The following PIP5K1C variants were observed in gnomAD, a reference collection of about 807,000 sequenced individuals.
PIP5K1C encodes the protein phosphatidylinositol-4-phosphate 5-kinase type 1 gamma.
Under a neutral mutation model 80.1 loss-of-function variants are expected in PIP5K1C, and 45 were observed. The observed-to-expected ratio is 0.56, with a 90% CI of 0.44 to 0.72. The LOEUF (loss-of-function observed/expected upper bound fraction) is 0.72, where lower values mean the gene tolerates loss of function less well. Among genes scored for constraint, PIP5K1C ranks in the 30% least tolerant of loss-of-function variants. PIP5K1C has a pLI of 0.00. For missense variants in PIP5K1C, 753 were observed against 954.6 expected (o/e 0.79, Z 2.78); for synonymous variants, 498 against 420.1 (o/e 1.19, Z -2.27).
chr19:3,683,566 C>T (rs1361827846), intron 1 of PIP5K1C, among the ~76,000 whole-genome samples: 1 of 152,226 alleles, frequency 6.6e-6, no homozygotes, highest in African/African-American at 2.4e-5. Context: ...TATTACTGCT[C>T]CCATTATGCA....
intron 8 of PIP5K1C, among the ~76,000 whole-genome samples, chr19:3,649,098 C>G (rs1038546108): frequency 8.5e-5 from 12 of 141,356 alleles, no homozygotes; most frequent in Admixed American, 6.4e-4. Flanking sequence ...CGGGAGTTAA[C>G]TGTCACCCGG....
chr19:3,664,842 C>A lies in PIP5K1C; in HGVS notation c.199G>T (p.Gly67Cys). 1 of 1,613,148 alleles carries A rather than the reference C, an allele frequency of 6.2e-7. No individual in the cohort carries two copies. The highest frequency in any genetic ancestry group is 1.1e-5 in the South Asian group (1 of 91,078). ...KLGHRGVDAS[G>C]ETTYKKTTSS... is the part of the protein sequence containing the mutation. Reference sequence around the variant, plus strand: ...GGAACCTTCTTGTAGGTGGTTTCGCCGGATGCGTCCACACCTCGATGGCCC... The same window carrying A: ...GGAACCTTCTTGTAGGTGGTTTCGCAGGATGCGTCCACACCTCGATGGCCC... Residue 67 changes from glycine (G) to cysteine (C), a missense_variant, in exon 3 of 18, where the codon GGC (glycine) becomes TGC (cysteine). Gly to Cys is a radical substitution (Grantham distance 159). This residue lies in a region of PIP5K1C where 139 missense variants were observed against 289.7 expected (regional missense o/e 0.48). Transcript: ENST00000335312.
At chr19:3,663,846 C>T (rs1005901321) in intron 3 of PIP5K1C, among the ~76,000 whole-genome samples, 1 of 152,214 alleles carries the variant, frequency 6.6e-6, no homozygotes, top group Non-Finnish European at 1.5e-5. Flanking sequence ...CCGAGTTACA[C>T]GTGACTTGGC....
intron 1 of PIP5K1C, 137 bp from the exon 2 acceptor site, chr19:3,667,490 A>G (rs1600030418): frequency 2.2e-6 from 2 of 908,342 alleles, no homozygotes; most frequent in East Asian, 2.5e-5. Context: ...AAGGCTACAC[A>G]CAAGTGAAGA....
Position 3,637,310 on chromosome 19 carries a change from G to A in PIP5K1C, c.1920+1574C>T. On this transcript the variant is annotated intron_variant, in intron 16 of 17. Coordinates refer to ENST00000335312, the MANE Select transcript of PIP5K1C (RefSeq NM_012398.3). This position sits in a 1 kb window ranked among gnomAD's most constrained non-coding sequence, Gnocchi z 7.0. ...CCTGGTGATGGTGCTGCCCTATGGAGCGCCCGGTTCGACGTGGGACCGAAT... is the reference window on the plus strand; with the variant it reads ...CCTGGTGATGGTGCTGCCCTATGGAACGCCCGGTTCGACGTGGGACCGAAT... The A allele has an allele frequency of 2.0e-6, 3 of 1,517,858 alleles. No individual in the cohort carries two copies. Among genetic ancestry groups the A allele is most frequent in the African/African-American group, 1.4e-5 (1 of 73,000 alleles). The allele number at this position is 1,517,858 out of a possible 1,614,324, so 94.0% of individuals were successfully genotyped here.
chr19:3,668,819 G>A (rs551679028), intron 1 of PIP5K1C, among the ~76,000 whole-genome samples: 4 of 152,298 alleles, frequency 2.6e-5, no homozygotes, highest in South Asian at 2.1e-4. Context: ...GCTCAGTGCC[G>A]AACAAGGATG....
At chr19:3,660,277 A>G (rs938306745) in intron 5 of PIP5K1C, among the ~76,000 whole-genome samples, 4 of 152,016 alleles carry the variant, frequency 2.6e-5, no homozygotes, top group African/African-American at 7.2e-5. Context: ...CTACTCGGGA[A>G]GCTGAGGCAG....
At chr19:3,678,411 GTGA>G (rs2145563840) in intron 1 of PIP5K1C, among the ~76,000 whole-genome samples, 1 of 136,684 alleles carries the variant, frequency 7.3e-6, no homozygotes, top group African/African-American at 2.8e-5. Flanking sequence ...TAGAGATGGA[GTGA>G]TGAAGGATGG....
rs2034113731 is a variant in PIP5K1C at position 3,644,241 on chromosome 19, G to A, written c.1356C>T (p.Ser452=). 2 of 1,612,294 alleles carry A rather than the reference G, an allele frequency of 1.2e-6. No individual in the cohort carries two copies. Among genetic ancestry groups the A allele is most frequent in the South Asian group, 1.1e-5 (1 of 91,074 alleles). Residue 452 remains serine, a synonymous_variant, in exon 12 of 18, where the codon TCC becomes TCT. Coordinates refer to ENST00000335312, the MANE Select transcript of PIP5K1C (RefSeq NM_012398.3). ...TVFRKNSSLK[S]SPSKKGRGGA... is the part of the protein sequence containing the mutation. ...CGCCGCGCCCCTTCTTGGAGGGCGA[G>A]GACTTCAGGGCTGCAGGGAAGGGTG...
rs577600336 is a variant in PIP5K1C at position 3,696,861 on chromosome 19, C to T, written c.94+3436G>A. On this transcript the variant is annotated intron_variant, in intron 1 of 17. Coordinates refer to ENST00000335312, the MANE Select transcript of PIP5K1C (RefSeq NM_012398.3). The surrounding 1 kb of genome is among the most constrained non-coding windows in gnomAD (Gnocchi z 4.1). ...TGGAGGGCTGCGAGCAGAGGAGGGT[C>T]GGGACTCGGGCCGCTGGTTTTTAAT... 1.1e-3 allele frequency among the ~76,000 whole-genome samples: 174 copies of T among 152,180 alleles called. 1 individual carries two copies. Among genetic ancestry groups the T allele is most frequent in the African/African-American group, 4.0e-3 (165 of 41,516 alleles).
At chr19:3,697,352 C>T (rs560962054) in intron 1 of PIP5K1C, among the ~76,000 whole-genome samples, 4 of 149,874 alleles carry the variant, frequency 2.7e-5, no homozygotes, top group Non-Finnish European at 3.0e-5. Flanking sequence ...CGGGGAGGAC[C>T]GAGCCAGACA....
chr19:3,680,801 C>T (rs937209514), intron 1 of PIP5K1C, among the ~76,000 whole-genome samples: 8 of 152,184 alleles, frequency 5.3e-5, no homozygotes, highest in African/African-American at 1.4e-4. Flanking sequence ...AGGCTTTGAG[C>T]GTGGCCCTGG....
rs147341531 is a variant in PIP5K1C at position 3,694,073 on chromosome 19, G to A, written c.94+6224C>T. Among the ~76,000 whole-genome samples the A allele has an allele frequency of 9.7e-3, 1,472 of 152,104 alleles. 13 individuals carry two copies. Among genetic ancestry groups the A allele is most frequent in the Middle Eastern group, 0.017 (5 of 294 alleles). On this transcript the variant is annotated intron_variant, in intron 1 of 17. Coordinates refer to ENST00000335312, the MANE Select transcript of PIP5K1C (RefSeq NM_012398.3). ...TAAAAATACAAAACATTAGCCGGGC[G>A]TAGTGGCGGACGCCTGTAGTCCCAG...
rs764511556 is a variant in PIP5K1C, at chr19:3,653,626, G to A, written c.622-37C>T. On this transcript the variant is annotated intron_variant, in intron 6 of 17. Transcript: ENST00000335312. ...AGAGGGCAAGTCGTGGAGGGCGGCT[G>A]GGCCACAGACTCACGGGGGCGGGCA... 3.8e-6 allele frequency: 6 copies of A among 1,583,112 alleles called. No individual in the cohort carries two copies. In the South Asian group the frequency reaches 6.8e-5, roughly 18 times the overall value.
rs368769937 is a variant in PIP5K1C, at chr19:3,638,906, G to A, written c.1898C>T (p.Ala633Val). The A allele has an allele frequency of 1.2e-5, 19 of 1,612,786 alleles. No homozygotes were observed. Among genetic ancestry groups the A allele is most frequent in the East Asian group, 4.5e-5 (2 of 44,888 alleles). ...PASQASDEEDAPATDIYFPTD... is the reference protein window; with the variant it reads ...PASQASDEEDVPATDIYFPTD... Reference sequence around the variant, plus strand: ...TACAAAGTAGATGTCGGTGGCGGGCGCGTCCTCCTCGTCCGAGGCCTGGCT... The same window carrying A: ...TACAAAGTAGATGTCGGTGGCGGGCACGTCCTCCTCGTCCGAGGCCTGGCT... Residue 633 changes from alanine (A) to valine (V), a missense_variant, in exon 16 of 18, where the codon GCG becomes GTG. Physicochemically the swap from Ala to Val is moderately conservative, Grantham distance 64. Around this residue, in one of 6 missense-constraint regions of PIP5K1C, gnomAD observed 315 missense variants for 294.5 expected, o/e 1.07. Coordinates refer to ENST00000335312, the MANE Select transcript of PIP5K1C (RefSeq NM_012398.3).
Position 3,632,962 on chromosome 19 carries a change from AGGCTGCCGACCGG to A in PIP5K1C, c.*192_*204del. ...TCGGGAGGGTGGGTCTCACAGGGGC[AGGCTGCCGACCGG>A]GGTGCCGGGGCCCTGGGAGGCTTGT... On this transcript the variant is annotated 3_prime_UTR_variant, in exon 18 of 18. Coordinates refer to ENST00000335312, the MANE Select transcript of PIP5K1C (RefSeq NM_012398.3). 1.9e-6 allele frequency: 1 copy of A among 531,478 alleles called. No individual in the cohort carries two copies. 32.9% of individuals were successfully genotyped at this position (531,478 alleles called of 1,614,324 possible). A position where few individuals can be genotyped will look rare whatever the true frequency, so the allele number is the denominator to read the frequency against.
chr19:3,683,061 C>T (rs1352867109), intron 1 of PIP5K1C, among the ~76,000 whole-genome samples: 1 of 151,938 alleles, frequency 6.6e-6, no homozygotes, highest in Non-Finnish European at 1.5e-5. Context: ...ACTCTCTCTC[C>T]CACCCAACCT....
intron 1 of PIP5K1C, among the ~76,000 whole-genome samples, chr19:3,691,872 GGA>G (rs2035961193): frequency 6.6e-6 from 1 of 152,178 alleles, no homozygotes; most frequent in South Asian, 2.1e-4. Flanking sequence ...GGGATGGCCG[GGA>G]GAGTGGGGAT....
intron 13 of PIP5K1C, 94 bp from the exon 14 acceptor site, chr19:3,643,033 C>A: frequency 1.3e-6 from 2 of 1,512,010 alleles, no homozygotes; most frequent in Admixed American, 1.7e-5. Context: ...TACCTGCCCC[C>A]TGGCAGCCCT....
Sources: gnomAD v4.1 joint callset for allele counts (sites outside exome capture counted in the v4.1 genomes callset) on GRCh38, gnomAD v4.1.1 for gene constraint, gnomAD v4.1.1 regional missense constraint, Gnocchi (gnomAD v3.1) non-coding constraint, MANE v1.5 for transcripts, NCBI Gene and HGNC (gene_info 2026-07-23, HGNC 2026-07-21) for gene names.